Variants in NCKAP5 observed in about 807,000 individuals in gnomAD.
NCKAP5 encodes nck-associated protein 5.
A neutral mutation model predicts 167.0 loss-of-function variants in NCKAP5; 92 were observed. The ratio of observed to expected loss-of-function variants is 0.55; its 90% confidence interval spans 0.47 to 0.66. NCKAP5 has a LOEUF of 0.66. NCKAP5 is among the 30% of genes least tolerant of loss of function. The pLI is 0.00. For synonymous variants in NCKAP5, 891 were observed against 877.4 expected, an observed-to-expected ratio of 1.02 and a Z score of -0.27; for missense variants, 2,378 against 2,315.0, an observed-to-expected ratio of 1.03 and a Z score of -0.56.
At chr2:133,553,632 G>C (rs957647986) in intron 2 of NCKAP5, among the ~76,000 whole-genome samples, 2 of 152,126 alleles carry the variant, frequency 1.3e-5, no homozygotes, top group Non-Finnish European at 2.9e-5. Flanking sequence ...CACAGAAGCA[G>C]GAAGGAGCCT....
At chr2:132,893,891 C>T (rs751238812) in intron 8 of NCKAP5, among the ~76,000 whole-genome samples, 91 of 152,158 alleles carry the variant, frequency 6.0e-4, no homozygotes, top group Non-Finnish European at 1.1e-3. Flanking sequence ...CACACACACA[C>T]ACATACACAC....
intron 6 of NCKAP5, among the ~76,000 whole-genome samples, chr2:133,035,297 C>A (rs925999899): frequency 6.6e-6 from 1 of 151,774 alleles, no homozygotes; most frequent in Non-Finnish European, 1.5e-5. Flanking sequence ...AGGAATAGGC[C>A]CAATACAATA....
At chr2:133,600,008 G>A in the NCKAP5 span, among the ~76,000 whole-genome samples, 1 of 152,226 alleles carries the variant, frequency 6.6e-6, no homozygotes, top group South Asian at 2.1e-4. Context: ...ACTTCTGTCG[G>A]CTCCCCTGGC....
chr2:133,557,013 C>A (rs1383840200), intron 2 of NCKAP5, among the ~76,000 whole-genome samples: 1 of 152,156 alleles, frequency 6.6e-6, no homozygotes, highest in Admixed American at 6.5e-5. Context: ...TGGTATCATC[C>A]TTCCTGATAA....
intron 4 of NCKAP5, among the ~76,000 whole-genome samples, chr2:133,232,328 A>AAAAT (rs2087189208): frequency 1.3e-5 from 2 of 152,196 alleles, no homozygotes; most frequent in African/African-American, 2.4e-5. Flanking sequence ...AAATGTTTTA[A>AAAAT]GTCACAACAA....
At chr2:133,213,599 A>G in intron 5 of NCKAP5, 117 bp downstream of exon 5, 1 of 958,722 alleles carries the variant, frequency 1.0e-6, no homozygotes, top group Middle Eastern at 3.1e-4. Flanking sequence ...TTGCCAAAAT[A>G]TCATTAAGTT....
At chr2:132,939,125 T>C (rs1450852015) in intron 8 of NCKAP5, among the ~76,000 whole-genome samples, 1 of 152,126 alleles carries the variant, frequency 6.6e-6, no homozygotes, top group Non-Finnish European at 1.5e-5. Context: ...ATAGTGATGA[T>C]ATGAAAAAAA....
At chr2:133,266,518 C>T (rs922297667) in intron 4 of NCKAP5, 2 of 152,310 alleles carry the variant, frequency 1.3e-5, no homozygotes, top group Non-Finnish European at 2.9e-5. Flanking sequence ...CTTACCTGGC[C>T]TTCGGTGGAG....
At chr2:133,570,967 C>T (rs1018679180), upstream of NCKAP5, among the ~76,000 whole-genome samples, 1 of 152,092 alleles carries the variant, frequency 6.6e-6, no homozygotes, top group East Asian at 1.9e-4. Flanking sequence ...AGTAGAAACT[C>T]GAAGGCATAA....
At chr2:132,765,308 CTTTTTTTTT>C (rs1170247644) in intron 16 of NCKAP5, among the ~76,000 whole-genome samples, 1 of 114,310 alleles carries the variant, frequency 8.7e-6, no homozygotes, top group Non-Finnish European at 1.8e-5. Context: ...TTCTTTCTTT[CTTTTTTTTT>C]TTTTTTTTTT....
intron 8 of NCKAP5, among the ~76,000 whole-genome samples, chr2:132,925,242 A>G (rs1436623390): frequency 1.3e-5 from 2 of 152,100 alleles, no homozygotes; most frequent in Non-Finnish European, 2.9e-5. Context: ...AGGTCACAAT[A>G]AAGTTTGCAC....
intron 3 of NCKAP5, among the ~76,000 whole-genome samples, chr2:133,467,360 C>T (rs1231302428): frequency 6.6e-6 from 1 of 152,060 alleles, no homozygotes; most frequent in Non-Finnish European, 1.5e-5. Flanking sequence ...GGGATGAAGC[C>T]CACTTGATCA....
chr2:133,576,658 T>A, the NCKAP5 span, among the ~76,000 whole-genome samples: 1 of 152,124 alleles, frequency 6.6e-6, no homozygotes, highest in Non-Finnish European at 1.5e-5. Context: ...AAAAATAAAG[T>A]CAAAGCATAG....
intron 5 of NCKAP5, among the ~76,000 whole-genome samples, chr2:133,178,829 C>CAAAAA (rs66552853): frequency 3.4e-5 from 2 of 58,814 alleles, no homozygotes; most frequent in Admixed American, 2.5e-4. Context: ...GACTCCGTCT[C>CAAAAA]AAAAAAAAAA....
At chr2:132,715,658 C>T (rs1349017890) in intron 19 of NCKAP5, among the ~76,000 whole-genome samples, 2 of 152,316 alleles carry the variant, frequency 1.3e-5, no homozygotes, top group East Asian at 1.9e-4. Context: ...ATAATCTGTG[C>T]TCTGTGTTAC....
chr2:133,125,206 C>T (rs2082364878), intron 6 of NCKAP5, among the ~76,000 whole-genome samples: 1 of 151,796 alleles, frequency 6.6e-6, no homozygotes, highest in Non-Finnish European at 1.5e-5. Flanking sequence ...CCTAAGTGAT[C>T]CCATTACTCT....
chr2:133,544,439 A>T (rs1686487728), intron 2 of NCKAP5, among the ~76,000 whole-genome samples: 1 of 152,208 alleles, frequency 6.6e-6, no homozygotes, highest in South Asian at 2.1e-4. Context: ...CATAAATGAT[A>T]CCCTATTATA....
chr2:133,250,686 C>T (rs776065499), intron 4 of NCKAP5, among the ~76,000 whole-genome samples: 31 of 152,170 alleles, frequency 2.0e-4, no homozygotes, highest in Non-Finnish European at 3.4e-4. Flanking sequence ...GCCTGTAACC[C>T]GGACACTTTG....
rs553765528 is a variant in NCKAP5 at position 133,511,774 on chromosome 2, G to A, written c.69+5684C>T. The stretch of plus-strand genomic sequence containing the variant: ...TGGAGGAAAAGAAAAACTCCCTCTT[G>A]TTCTTTGGCCCTCCCTGACTTGATG... On this transcript the variant is annotated intron_variant, in intron 3 of 19. Transcript: ENST00000409261. Among the ~76,000 whole-genome samples, 367 of 152,334 alleles carry A rather than the reference G, an allele frequency of 2.4e-3. 4 individuals are homozygous for A. Among genetic ancestry groups the A allele is most frequent in the African/African-American group, 7.8e-3 (324 of 41,578 alleles).
Sources: allele counts gnomAD v4.1 joint callset (sites outside exome capture counted in the v4.1 genomes callset), GRCh38; gene constraint gnomAD v4.1.1; transcripts MANE v1.5; gene names NCBI Gene and HGNC (gene_info 2026-07-23, HGNC 2026-07-21).